Variants in ABCA2 observed in about 807,000 individuals in gnomAD.
ABCA2 encodes the protein ATP binding cassette subfamily A member 2, also known as ATP-binding cassette sub-family A member 2.
A neutral mutation model predicts 262.8 loss-of-function variants in ABCA2; 84 were observed. That is an observed-to-expected ratio of 0.32 (90% confidence interval 0.27 to 0.38). The LOEUF (loss-of-function observed/expected upper bound fraction) is 0.38, where lower values mean the gene tolerates loss of function less well. Ranked by LOEUF, ABCA2 falls within the 10% of genes least tolerant of loss-of-function variation. ABCA2 has a pLI of 1.00. For synonymous variants in ABCA2, 1,696 were observed against 1,502.9 expected (o/e 1.13, Z -2.97); for missense variants, 2,662 against 3,405.9 (o/e 0.78, Z 5.44).
intron 48 of ABCA2, 163 bp downstream of exon 48, chr9:137,008,253 C>T (rs1254508126): frequency 1.3e-5 from 12 of 891,116 alleles, no homozygotes; most frequent in Non-Finnish European, 2.1e-5. Context: ...TACGTCTCTC[C>T]AGGCCTATCT....
intron 48 of ABCA2, 141 bp from the exon 49 acceptor site, chr9:137,008,105 G>A: frequency 1.9e-6 from 2 of 1,064,556 alleles, no homozygotes; most frequent in Non-Finnish European, 2.7e-6. Context: ...CTCTGTGTCT[G>A]GGCTCTCCCG....
rs748802261 is a variant in ABCA2, at chr9:137,014,302, G to C, written c.4106C>G (p.Ser1369Trp). 15 of 1,610,814 alleles carry C rather than the reference G, an allele frequency of 9.3e-6. No homozygotes were observed. Among genetic ancestry groups the C allele is most frequent in the Non-Finnish European group, 1.2e-5 (14 of 1,179,208 alleles). Residue 1369 changes from serine to tryptophan, a missense_variant, in exon 27 of 49, where the codon TCG becomes TGG. By Grantham distance (177) the Ser-to-Trp change is radical. Transcript: ENST00000341511. ...TGACGCCGACTGCAGCGATGCCTGC[G>C]ACTGGGTCAGCTCCGAGCACCGGGC... The part of the protein sequence containing the change: ...NLARCSELTQ[S>W]QASLQSASSV...
chr9:137,014,946 G>A lies in ABCA2; in HGVS notation c.3849C>T (p.Ala1283=), dbSNP rs760207333. The change falls in exon 25 of 49, where the codon GCC becomes GCT. Residue 1283 remains alanine (A), a synonymous_variant. Transcript: ENST00000341511. ...TELSYILPSE[A]AKKGAFERLF... Reference sequence around the variant, plus strand: ...GGCGCTCGAAAGCCCCCTTCTTGGCGGCCTCGCTGGGCAGGATGTAGGAGA... The same window carrying A: ...GGCGCTCGAAAGCCCCCTTCTTGGCAGCCTCGCTGGGCAGGATGTAGGAGA... 1.9e-5 allele frequency: 30 copies of A among 1,564,362 alleles called. No homozygotes were observed. Among genetic ancestry groups the A allele is most frequent in the Middle Eastern group, 1.7e-4 (1 of 5,858 alleles).
intron 44 of ABCA2, 26 bp downstream of exon 44, chr9:137,009,515 C>T (rs1830957969): frequency 1.4e-6 from 2 of 1,472,024 alleles, no homozygotes; most frequent in South Asian, 1.1e-5. Flanking sequence ...GGTGGGGGCA[C>T]AAAGAGGGGG....
rs774982116 is a variant in ABCA2 at position 137,011,593 on chromosome 9, C to A, written c.5652-39G>T. The stretch of plus-strand genomic sequence containing the variant: ...GCGGGCAGTGGTCACCAGGCAGCCC[C>A]GGTCCCACCTGAGGCCGCTCCCCCC... On this transcript the variant is annotated intron_variant, in intron 36 of 48. Coordinates refer to ENST00000341511, the MANE Select transcript of ABCA2 (RefSeq NM_001606.5). This position sits in a 1 kb window ranked among gnomAD's most constrained non-coding sequence, Gnocchi z 8.8. 1.9e-6 allele frequency: 3 copies of A among 1,558,014 alleles called. No individual in the cohort carries two copies. Among genetic ancestry groups the A allele is most frequent in the Non-Finnish European group, 2.6e-6 (3 of 1,151,354 alleles).
intron 46 of ABCA2, 32 bp from the exon 47 acceptor site, chr9:137,008,900 G>GCCCCCCCCCCCCCCTTGCCCCCC (rs59031144): frequency 1.9e-6 from 3 of 1,556,400 alleles, no homozygotes; most frequent in African/African-American, 2.8e-5. Flanking sequence ...GCCTGGCAGC[G>GCCCCCCCCCCCCCCTTGCCCCCC]CCCCCCCACC....
In ABCA2 at chr9:137,019,039, G is replaced by T; in HGVS notation, c.1586C>A (p.Ala529Glu). The T allele has an allele frequency of 6.2e-7, 1 of 1,612,152 alleles. No homozygotes were observed. Among genetic ancestry groups the T allele is most frequent in the South Asian group, 1.1e-5 (1 of 91,078 alleles). ...YVAELRLHPE[A>E]LNLSLDELPP... ...CAGCTCATCCAGTGACAGGTTCAGT[G>T]CCTCGGGGTGCAGCCGCAGCTCTGC... The change falls in exon 12 of 49, where the codon GCA becomes GAA. Residue 529 changes from alanine to glutamate, a missense_variant. By Grantham distance (107) the Ala-to-Glu change is moderately radical. This residue lies in a region of ABCA2 where 187 missense variants were observed against 205.9 expected (regional missense o/e 0.91). Transcript: ENST00000341511. The surrounding 1 kb of genome is among the most constrained non-coding windows in gnomAD (Gnocchi z 4.4).
In ABCA2 at chr9:137,015,772, C is replaced by T. The variant is rs909267914; in HGVS notation, c.3417G>A (p.Val1139=). ...KRKLSVAIAF[V]GGSRAIILDE... ...CCAGGATGATGGCGCGAGAGCCGCC[C>T]ACGAAGGCGATGGCCACGGACAGCT... The change falls in exon 23 of 49, where the codon GTG becomes GTA. Residue 1139 remains valine, a synonymous_variant. Transcript: ENST00000341511. The T allele has an allele frequency of 6.2e-7, 1 of 1,612,292 alleles. No individual in the cohort carries two copies. Among genetic ancestry groups the T allele is most frequent in the African/African-American group, 1.3e-5 (1 of 74,938 alleles).
In ABCA2 at chr9:137,012,727, C is replaced by T. The variant is rs200032463; in HGVS notation, c.5066G>A (p.Arg1689His). Residue 1689 changes from arginine to histidine, a missense_variant, in exon 31 of 49, where the codon CGC becomes CAC. By Grantham distance (29) the Arg-to-His change is conservative. Around this residue, in one of 12 missense-constraint regions of ABCA2, gnomAD observed 602 missense variants for 897.4 expected, o/e 0.67. Transcript: ENST00000341511. ...VSEYLLFTSD[R>H]FRLHRYGAIT... ...CCCAGCTCACCGGTGCAGTCGGAAGCGGTCGGAGGTGAAGAGCAGGTACTC... is the reference window on the plus strand; with the variant it reads ...CCCAGCTCACCGGTGCAGTCGGAAGTGGTCGGAGGTGAAGAGCAGGTACTC... The T allele has an allele frequency of 8.7e-5, 140 of 1,612,344 alleles. No individual in the cohort carries two copies. Among genetic ancestry groups the T allele is most frequent in the Non-Finnish European group, 3.5e-5 (41 of 1,179,810 alleles).
rs550071486 is a variant in ABCA2 at position 137,008,954 on chromosome 9, G to C, written c.6927C>G (p.Leu2309=). 4 of 1,581,588 alleles carry C rather than the reference G, an allele frequency of 2.5e-6. No homozygotes were observed. The highest frequency in any genetic ancestry group is 3.0e-5 in the African/African-American group (2 of 67,226). ...FFNRNFPEAM[L]KERHHTKVQY... is the part of the protein sequence containing the mutation. ...AACCCTGCCCGGGACGGCGCACCTT[G>C]AGCATGGCTTCCGGGAAGTTGCGGT... Residue 2309 remains leucine (L), a synonymous_variant, in exon 46 of 49, where the codon CTC becomes CTG. Transcript: ENST00000341511.
Position 137,017,782 on chromosome 9 carries a change from C to G in ABCA2, c.2211+5G>C. The G allele has an allele frequency of 1.2e-6, 2 of 1,612,300 alleles. No homozygotes were observed. The highest frequency in any genetic ancestry group is 1.7e-6 in the Non-Finnish European group (2 of 1,179,688). On this transcript the variant is annotated splice_donor_5th_base_variant and intron_variant, in intron 16 of 48. Transcript: ENST00000341511. ...CGCCTCCAGGGAGAGTCCCGGCCCG[C>G]GCACCTCCTTGAGCCGGTGCTCCTT...
At position 137,016,361 on chromosome 9, in the gene ABCA2, T is replaced by G; in HGVS notation, c.3034A>C (p.Ser1012Arg). 6.2e-7 allele frequency: 1 copy of G among 1,612,922 alleles called. No individual in the cohort carries two copies. Among genetic ancestry groups the G allele is most frequent in the Non-Finnish European group, 8.5e-7 (1 of 1,179,992 alleles). The change falls in exon 21 of 49, where the codon AGC becomes CGC. Residue 1012 changes from serine to arginine, a missense_variant. By Grantham distance (110) the Ser-to-Arg change is moderately radical. Around this residue, in one of 12 missense-constraint regions of ABCA2, gnomAD observed 133 missense variants for 150.8 expected, o/e 0.88. Coordinates refer to ENST00000341511, the MANE Select transcript of ABCA2 (RefSeq NM_001606.5). ...ACCTGGTTCTCGTAGAGGTTCAGGCTCAGCTTGTTCAGGGCCAGCTTCTTG... is the reference window on the plus strand; with the variant it reads ...ACCTGGTTCTCGTAGAGGTTCAGGCGCAGCTTGTTCAGGGCCAGCTTCTTG... ...DDKKLALNKL[S>R]LNLYENQVVS...
intron 26 of ABCA2, 128 bp downstream of exon 26, chr9:137,014,562 C>T (rs10781532): frequency 0.96 from 1,425,356 of 1,480,360 alleles, 687,326 homozygotes; most frequent in East Asian, 1. Flanking sequence ...AGGCTAACCC[C>T]GGGGCGTCCC....
At chr9:137,023,366 G>T in intron 3 of ABCA2, 1 of 702,320 alleles carries the variant, frequency 1.4e-6, no homozygotes, top group East Asian at 2.7e-5. Flanking sequence ...CCCCGAAAAC[G>T]TTTCAGGTGT....
chr9:137,023,259 C>T, intron 3 of ABCA2: 1 of 631,016 alleles, frequency 1.6e-6, no homozygotes, highest in East Asian at 2.7e-5. Flanking sequence ...TCCAGCAGGT[C>T]AGAGGTCAAA....
At position 137,014,879 on chromosome 9, in the gene ABCA2, C is replaced by G. The variant is rs761430289; in HGVS notation, c.3882+34G>C. On this transcript the variant is annotated intron_variant, in intron 25 of 48. Transcript: ENST00000341511. ...GCAGGAGTGCGCCCACCTCCACCAC[C>G]TGCAACTGCCCCCCGACCCGTGCGC... 1.1e-5 allele frequency: 17 copies of G among 1,578,188 alleles called. No individual in the cohort carries two copies. The African/African-American group carries it at 1.9e-4, about 17-fold the overall frequency.
In ABCA2 at chr9:137,013,201, C is replaced by A. The variant is rs373818717; in HGVS notation, c.4668G>T (p.Thr1556=). 9 of 1,600,878 alleles carry A rather than the reference C, an allele frequency of 5.6e-6. No homozygotes were observed. In the African/African-American group the frequency reaches 1.1e-4, roughly 19 times the overall value. ...GCGACTCCCCGCTGCTCAGGTTCAA[C>A]GTGGGCCCCAGCGAGCCGTTGGCGG... is the stretch of plus-strand genomic sequence containing the variant. ...KSPANGSLGP[T]LNLSSGESRL... is the part of the protein sequence containing the mutation. Residue 1556 remains threonine (T), a synonymous_variant, in exon 30 of 49, where the codon ACG becomes ACT. Coordinates refer to ENST00000341511, the MANE Select transcript of ABCA2 (RefSeq NM_001606.5).
chr9:137,009,214 C>T (rs1564210481), intron 45 of ABCA2, 156 bp downstream of exon 45: 2 of 917,672 alleles, frequency 2.2e-6, no homozygotes, highest in Non-Finnish European at 3.2e-6. Context: ...GGCTCCTCCC[C>T]TGGCCCCACT....
In ABCA2 at chr9:137,008,819, G is replaced by C; in HGVS notation, c.6980C>G (p.Ser2327Trp). ...VQYQLKSEHISLAQVFSKMEQ... is the reference protein window; with the variant it reads ...VQYQLKSEHIWLAQVFSKMEQ... ...CATCTTGCTGAACACCTGGGCCAGC[G>C]AGATGTGCTCCGACTTGAGCTGGTA... Residue 2327 changes from serine to tryptophan, a missense_variant, in exon 47 of 49, where the codon TCG becomes TGG. Ser to Trp is a radical substitution (Grantham distance 177). This residue lies in a region of ABCA2 where 212 missense variants were observed against 214.4 expected (regional missense o/e 0.99). Transcript: ENST00000341511. 6.2e-7 allele frequency: 1 copy of C among 1,605,466 alleles called. No individual in the cohort carries two copies. Among genetic ancestry groups the C allele is most frequent in the South Asian group, 1.1e-5 (1 of 90,574 alleles).
Sources: gnomAD v4.1 joint callset for allele counts on GRCh38, gnomAD v4.1.1 for gene constraint, gnomAD v4.1.1 regional missense constraint, Gnocchi (gnomAD v3.1) non-coding constraint, MANE v1.5 for transcripts, NCBI Gene and HGNC (gene_info 2026-07-23, HGNC 2026-07-21) for gene names.